PLP2: variants seen among roughly 807,000 people sequenced by gnomAD.
PLP2 encodes proteolipid protein 2.
In PLP2, 8 loss-of-function variants were observed where a neutral mutation model predicts 11.4. The observed-to-expected ratio is 0.70, with a 90% CI of 0.41 to 1.27. The LOEUF (loss-of-function observed/expected upper bound fraction) is 1.27, where lower values mean the gene tolerates loss of function less well. Among genes scored for constraint, PLP2 ranks in the 50% most tolerant of loss-of-function variants. PLP2 has a pLI of 0.01. For synonymous variants in PLP2, 50 were observed against 53.2 expected (o/e 0.94, Z 0.26); for missense variants, 127 against 123.5 (o/e 1.03, Z -0.14).
intron 4 of PLP2, 21 bp from the exon 5 acceptor site, chrX:49,174,651 C>T (rs1557099613): frequency 8.3e-7 from 1 of 1,200,028 alleles, no homozygotes. Context: ...CCAATGCTTT[C>T]TCTCTTTTCC....
Position 49,173,475 on chromosome X carries a change from G to T in PLP2, c.337G>T (p.Val113Phe), listed in dbSNP as rs1412117882. The change falls in exon 3 of 5, where the codon GTC (valine) becomes TTC (phenylalanine). Residue 113 changes from valine (V) to phenylalanine (F), a missense_variant. Physicochemically the swap from Val to Phe is conservative, Grantham distance 50 (BLOSUM62 -1). Transcript: ENST00000376327. ...LVERGNHSKI[V>F]AGVLGLIATC... is the part of the protein sequence containing the mutation. ...TGAGAGAGGAAACCACTCCAAAATC[G>T]TCGCAGGGGTAAAGGCCATGGGAGC... 3 of 1,209,820 alleles carry T rather than the reference G, an allele frequency of 2.5e-6. No homozygotes were observed. The highest frequency in any genetic ancestry group is 3.5e-5 in the African/African-American group (2 of 57,086).
At chrX:49,174,602 CT>C in intron 4 of PLP2, 69 bp from the exon 5 acceptor site, 1 of 1,038,048 alleles carries the variant, frequency 9.6e-7, no homozygotes, top group Non-Finnish European at 1.4e-6. Context: ...TGTTCATGGA[CT>C]TTGGATCTTG....
At chrX:49,172,796 C>T (rs1236989021) in intron 1 of PLP2, among the ~76,000 whole-genome samples, 1 of 112,192 alleles carries the variant, frequency 8.9e-6, no homozygotes, top group African/African-American at 3.2e-5. Context: ...GCGCCACTCC[C>T]CTCAGGCTGC....
Position 49,171,962 on chromosome X carries a change from A to G in PLP2, c.-39A>G. 1.0e-6 allele frequency: 1 copy of G among 954,170 alleles called. No homozygotes were observed. Among genetic ancestry groups the G allele is most frequent in the Non-Finnish European group, 1.5e-6 (1 of 666,552 alleles). The allele number at this position is 954,170 out of a possible 1,213,427, so 78.6% of individuals were successfully genotyped here. The stretch of plus-strand genomic sequence containing the variant: ...GCGTCCTCGAAACCACGAGCAAGTG[A>G]GCAGATCCTCCGAGGCACCAGGGAC... On this transcript the variant is annotated 5_prime_UTR_variant, in exon 1 of 5. Transcript: ENST00000376327.
At position 49,175,161 on chromosome X, in the gene PLP2, G is replaced by A. The variant is rs370032163; in HGVS notation, c.*467G>A. 6.0e-5 allele frequency: 11 copies of A among 184,684 alleles called. No homozygotes were observed. The East Asian group carries it at 1.4e-3, about 24-fold the overall frequency. 15.2% of individuals were successfully genotyped at this position (184,684 alleles called of 1,213,427 possible). On this transcript the variant is annotated 3_prime_UTR_variant, in exon 5 of 5. Coordinates refer to ENST00000376327, the MANE Select transcript of PLP2 (RefSeq NM_002668.3). ...AGCATCAGGAGGGGGAAATGGAGTG[G>A]AAACAGCTGGGGCAAGGAGGCAAAG...
chrX:49,172,084 G>T lies in PLP2; in HGVS notation c.84G>T (p.Leu28=), dbSNP rs782625008. The change falls in exon 1 of 5, where the codon CTG becomes CTT. Residue 28 remains leucine (L), a synonymous_variant. Transcript: ENST00000376327. ...CGCGCACTCGAAAGGGAATCCTCCT[G>T]TTTGCTGAGATTGTGAGCGTTCTGG... The part of the protein sequence containing the change: ...NFSRTRKGIL[L]FAEIILCLVI... The T allele has an allele frequency of 8.3e-7, 1 of 1,197,928 alleles. No individual in the cohort carries two copies. The highest frequency in any genetic ancestry group is 3.0e-5 in the East Asian group (1 of 33,690).
rs781804078 is a variant in PLP2, at chrX:49,172,052, A to G, written c.52A>G (p.Asn18Asp). Reference sequence around the variant, plus strand: ...TCCTGGCTGCTGGGCCGCCTGCACCAACTTCTCGCGCACTCGAAAGGGAAT... The same window carrying G: ...TCCTGGCTGCTGGGCCGCCTGCACCGACTTCTCGCGCACTCGAAAGGGAAT... ...SAPGCWAACT[N>D]FSRTRKGILL... The change falls in exon 1 of 5, where the codon AAC (asparagine) becomes GAC (aspartate). Residue 18 changes from asparagine (N) to aspartate (D), a missense_variant. By Grantham distance (23) the Asn-to-Asp change is conservative. Transcript: ENST00000376327. 1 of 1,208,801 alleles carries G rather than the reference A, an allele frequency of 8.3e-7. No homozygotes were observed. The highest frequency in any genetic ancestry group is 3.0e-5 in the East Asian group (1 of 33,818).
At position 49,172,107 on chromosome X, in the gene PLP2, TG is replaced by T; in HGVS notation, c.96+15del. 8.7e-7 allele frequency: 1 copy of T among 1,147,106 alleles called. No individual in the cohort carries two copies. 94.5% of individuals were successfully genotyped at this position (1,147,106 alleles called of 1,213,427 possible). A position where few individuals can be genotyped will look rare whatever the true frequency, so the allele number is the denominator to read the frequency against. On this transcript the variant is annotated intron_variant, in intron 1 of 4. Coordinates refer to ENST00000376327, the MANE Select transcript of PLP2 (RefSeq NM_002668.3). The stretch of plus-strand genomic sequence containing the variant: ...CTGTTTGCTGAGATTGTGAGCGTTC[TG>T]GGGCAGGCGCGTGGGCAAAAGCGGG...
rs376504002 is a variant in PLP2 at position 49,173,474 on chromosome X, C to T, written c.336C>T (p.Ile112=). 12 of 1,209,898 alleles carry T rather than the reference C, an allele frequency of 9.9e-6. No individual in the cohort carries two copies. Among genetic ancestry groups the T allele is most frequent in the Non-Finnish European group, 1.3e-5 (12 of 895,234 alleles). ...TTGAGAGAGGAAACCACTCCAAAATCGTCGCAGGGGTAAAGGCCATGGGAG... is the reference window on the plus strand; with the variant it reads ...TTGAGAGAGGAAACCACTCCAAAATTGTCGCAGGGGTAAAGGCCATGGGAG... ...VLVERGNHSK[I]VAGVLGLIAT... is the part of the protein sequence containing the mutation. The change falls in exon 3 of 5, where the codon ATC becomes ATT. Residue 112 remains isoleucine, a synonymous_variant. Coordinates refer to ENST00000376327, the MANE Select transcript of PLP2 (RefSeq NM_002668.3).
chrX:49,172,106 C>G lies in PLP2; in HGVS notation c.96+10C>G. The G allele has an allele frequency of 8.7e-7, 1 of 1,145,994 alleles. No homozygotes were observed. Among genetic ancestry groups the G allele is most frequent in the Non-Finnish European group, 1.2e-6 (1 of 837,746 alleles). The allele number at this position is 1,145,994 out of a possible 1,213,427, so 94.4% of individuals were successfully genotyped here. ...CCTGTTTGCTGAGATTGTGAGCGTT[C>G]TGGGGCAGGCGCGTGGGCAAAAGCG... On this transcript the variant is annotated intron_variant, in intron 1 of 4. Transcript: ENST00000376327.
chrX:49,173,598 C>T (rs1345438646), intron 3 of PLP2, 115 bp downstream of exon 3: 3 of 1,176,499 alleles, frequency 2.5e-6, no homozygotes, highest in African/African-American at 3.5e-5. Context: ...TCACACTTGT[C>T]CTCAGACATG....
At chrX:49,174,238 G>A in intron 3 of PLP2, 97 bp from the exon 4 acceptor site, 3 of 644,125 alleles carry the variant, frequency 4.7e-6, no homozygotes, top group Non-Finnish European at 7.8e-6. Context: ...CCCATCCTGC[G>A]TGGGGCAGGT....
At position 49,173,261 on chromosome X, in the gene PLP2, T is replaced by C. The variant is rs1569525964; in HGVS notation, c.229T>C (p.Phe77Leu). The C allele has an allele frequency of 8.3e-7, 1 of 1,211,352 alleles. No individual in the cohort carries two copies. Among genetic ancestry groups the C allele is most frequent in the Non-Finnish European group, 1.1e-6 (1 of 895,144 alleles). Residue 77 changes from phenylalanine (F) to leucine (L), a missense_variant, in exon 2 of 5, where the codon TTC (phenylalanine) becomes CTC (leucine). Transcript: ENST00000376327. ...YMCDLHTKIPFINWPWSDFFR... is the reference protein window; with the variant it reads ...YMCDLHTKIPLINWPWSDFFR... ...GTGTGACCTGCACACCAAGATACCA[T>C]TCATCAACTGGCCCTGGAGTGTGAG...
chrX:49,174,640 G>C (rs1557099610), intron 4 of PLP2, 32 bp from the exon 5 acceptor site: 1 of 1,192,254 alleles, frequency 8.4e-7, no homozygotes, highest in East Asian at 3.0e-5. Context: ...TATAGATTCA[G>C]CCAATGCTTT....
chrX:49,174,725 G>A lies in PLP2; in HGVS notation c.*31G>A, dbSNP rs1557099639. 1 of 1,146,990 alleles carries A rather than the reference G, an allele frequency of 8.7e-7. No homozygotes were observed. The highest frequency in any genetic ancestry group is 1.2e-6 in the Non-Finnish European group (1 of 837,715). The allele number at this position is 1,146,990 out of a possible 1,213,427, so 94.5% of individuals were successfully genotyped here. On this transcript the variant is annotated 3_prime_UTR_variant, in exon 5 of 5. Coordinates refer to ENST00000376327, the MANE Select transcript of PLP2 (RefSeq NM_002668.3). ...CTTCCCTCATTTCTCTCTGCAATCT[G>A]CAAATAACTCCTCCATTGAAATAAC... is the stretch of plus-strand genomic sequence containing the variant.
In PLP2 at chrX:49,172,086, T is replaced by G; in HGVS notation, c.86T>G (p.Phe29Cys). 8.4e-7 allele frequency: 1 copy of G among 1,192,896 alleles called. No individual in the cohort carries two copies. Among genetic ancestry groups the G allele is most frequent in the Non-Finnish European group, 1.1e-6 (1 of 879,005 alleles). ...CGCACTCGAAAGGGAATCCTCCTGT[T>G]TGCTGAGATTGTGAGCGTTCTGGGG... is the stretch of plus-strand genomic sequence containing the variant. The part of the protein sequence containing the change: ...FSRTRKGILL[F>C]AEIILCLVIL... Residue 29 changes from phenylalanine (F) to cysteine (C), a missense_variant, in exon 1 of 5, where the codon TTT becomes TGT. Phe to Cys is a radical substitution (Grantham distance 205, BLOSUM62 -2). Transcript: ENST00000376327.
At position 49,174,726 on chromosome X, in the gene PLP2, CAAATAACTCCTCCATTG is replaced by C. The variant is rs2065405802; in HGVS notation, c.*46_*62del. On this transcript the variant is annotated 3_prime_UTR_variant, in exon 5 of 5. Coordinates refer to ENST00000376327, the MANE Select transcript of PLP2 (RefSeq NM_002668.3). Reference sequence around the variant, plus strand: ...TTCCCTCATTTCTCTCTGCAATCTGCAAATAACTCCTCCATTGAAATAACTCCTCCCCACCCCAACAA... The same window carrying C: ...TTCCCTCATTTCTCTCTGCAATCTGCAAATAACTCCTCCCCACCCCAACAA... 1.8e-6 allele frequency: 2 copies of C among 1,135,590 alleles called. No homozygotes were observed. The highest frequency in any genetic ancestry group is 1.8e-5 in the African/African-American group (1 of 55,731). The allele number at this position is 1,135,590 out of a possible 1,213,427, so 93.6% of individuals were successfully genotyped here.
rs1557099414 is a variant in PLP2 at position 49,173,265 on chromosome X, T to C, written c.233T>C (p.Ile78Thr). 1 of 1,211,478 alleles carries C rather than the reference T, an allele frequency of 8.3e-7. No homozygotes were observed. Among genetic ancestry groups the C allele is most frequent in the East Asian group, 3.0e-5 (1 of 33,836 alleles). Residue 78 changes from isoleucine (I) to threonine (T), a missense_variant, in exon 2 of 5, where the codon ATC (isoleucine) becomes ACC (threonine). Physicochemically the swap from Ile to Thr is moderately conservative, Grantham distance 89. Coordinates refer to ENST00000376327, the MANE Select transcript of PLP2 (RefSeq NM_002668.3). ...GACCTGCACACCAAGATACCATTCA[T>C]CAACTGGCCCTGGAGTGTGAGAAGG... ...MCDLHTKIPF[I>T]NWPWSDFFRT...
At chrX:49,173,844 C>A (rs1303791847) in intron 3 of PLP2, among the ~76,000 whole-genome samples, 1 of 111,985 alleles carries the variant, frequency 8.9e-6, no homozygotes, top group East Asian at 2.8e-4. Flanking sequence ...CCGAGGCAGG[C>A]AGATCACTTG....
Sources: allele counts gnomAD v4.1 joint callset (sites outside exome capture counted in the v4.1 genomes callset), GRCh38; gene constraint gnomAD v4.1.1; transcripts MANE v1.5; gene names NCBI Gene and HGNC (gene_info 2026-07-23, HGNC 2026-07-21).